Variants in GCM2 observed in about 807,000 individuals in gnomAD.
The protein encoded by GCM2 is GCM transcription factor 2, also known as chorion-specific transcription factor GCMb.
In GCM2, 21 loss-of-function variants were observed where a neutral mutation model predicts 24.8. That is an observed-to-expected ratio of 0.85 (90% CI 0.60 to 1.22). GCM2 has a LOEUF of 1.22. GCM2 is among the 50% of genes most tolerant of loss of function. GCM2 has a pLI of 0.00. For synonymous variants in GCM2, 222 were observed against 238.0 expected, an observed-to-expected ratio of 0.93 and a Z score of 0.62; for missense variants, 532 against 645.6, an observed-to-expected ratio of 0.82 and a Z score of 1.91.
chr6:10,881,700 T>C lies in GCM2; in HGVS notation c.90+4A>G. On this transcript the variant is annotated splice_donor_region_variant and intron_variant, in intron 1 of 4. Coordinates refer to ENST00000379491, the MANE Select transcript of GCM2 (RefSeq NM_004752.4). ...GCGTGCCCGCACACACCCGGTTCAC[T>C]TACCTGAGGCATCTGCGGATCGTTG... 2 of 1,608,082 alleles carry C rather than the reference T, an allele frequency of 1.2e-6. No homozygotes were observed. Among genetic ancestry groups the C allele is most frequent in the African/African-American group, 2.7e-5 (2 of 74,860 alleles).
Position 10,881,884 on chromosome 6 carries a change from T to A in GCM2, c.-91A>T. The A allele has an allele frequency of 9.9e-7, 1 of 1,009,942 alleles. No individual in the cohort carries two copies. Among genetic ancestry groups the A allele is most frequent in the Non-Finnish European group, 1.5e-6 (1 of 659,992 alleles). The allele number at this position is 1,009,942 out of a possible 1,614,324, so 62.6% of individuals were successfully genotyped here. A position where few individuals can be genotyped will look rare whatever the true frequency, so the allele number is the denominator to read the frequency against. On this transcript the variant is annotated 5_prime_UTR_variant, in exon 1 of 5. The change creates a premature stop within an existing upstream ORF in the 5' untranslated region. Coordinates refer to ENST00000379491, the MANE Select transcript of GCM2 (RefSeq NM_004752.4). ...CCAGGTGGGTTTTTTTTCTTCTCTT[T>A]AAAGAAGAAAGTGGGGTGTGTGAAG...
At position 10,873,706 on chromosome 6, in the gene GCM2, A is replaced by G. The variant is rs941625822; in HGVS notation, c.*289T>C. The G allele has an allele frequency of 2.7e-5, 12 of 436,374 alleles. No individual in the cohort carries two copies. Among genetic ancestry groups the G allele is most frequent in the Non-Finnish European group, 4.3e-5 (10 of 234,500 alleles). The allele number at this position is 436,374 out of a possible 1,614,324, so 27.0% of individuals were successfully genotyped here. A position where few individuals can be genotyped will look rare whatever the true frequency, so the allele number is the denominator to read the frequency against. On this transcript the variant is annotated 3_prime_UTR_variant, in exon 5 of 5. Coordinates refer to ENST00000379491, the MANE Select transcript of GCM2 (RefSeq NM_004752.4). ...TCCTGCTAATAAGCTAAGTGAACTTAGGTCAGTATTTAACCTCCTACAGTT... is the reference window on the plus strand; with the variant it reads ...TCCTGCTAATAAGCTAAGTGAACTTGGGTCAGTATTTAACCTCCTACAGTT...
At chr6:10,876,424 T>C (rs780578785) in intron 3 of GCM2, 21 bp downstream of exon 3, 6 of 1,473,464 alleles carry the variant, frequency 4.1e-6, no homozygotes, top group Non-Finnish European at 5.7e-6. Flanking sequence ...CCATCACAAA[T>C]TGTGTTCTCA....
In GCM2 at chr6:10,874,652, A is replaced by G. The variant is rs756135460; in HGVS notation, c.864T>C (p.Tyr288=). The G allele has an allele frequency of 6.2e-6, 10 of 1,614,056 alleles. No homozygotes were observed. Among genetic ancestry groups the G allele is most frequent in the Non-Finnish European group, 8.5e-6 (10 of 1,180,032 alleles). The change falls in exon 5 of 5, where the codon TAT becomes TAC. Residue 288 remains tyrosine, a synonymous_variant. Coordinates refer to ENST00000379491, the MANE Select transcript of GCM2 (RefSeq NM_004752.4). ...ANPGYTNSSP[Y]PTLYKDSTSI... ...TGGTGGAATCCTTATAAAGGGTGGGATATGGGCTTGAATTTGTATAACCAG... is the reference window on the plus strand; with the variant it reads ...TGGTGGAATCCTTATAAAGGGTGGGGTATGGGCTTGAATTTGTATAACCAG...
At chr6:10,879,019 A>C (rs528584008) in intron 1 of GCM2, among the ~76,000 whole-genome samples, 1 of 152,344 alleles carries the variant, frequency 6.6e-6, no homozygotes, top group East Asian at 1.9e-4. Context: ...ATACATCATT[A>C]ATACTGCACA....
chr6:10,875,481 T>C (rs1176579256), intron 4 of GCM2, among the ~76,000 whole-genome samples: 1 of 152,234 alleles, frequency 6.6e-6, no homozygotes, highest in Non-Finnish European at 1.5e-5. Flanking sequence ...CGTGCTTTGG[T>C]TGAAAAGCCA....
At chr6:10,880,286 C>CAACA (rs34765652) in intron 1 of GCM2, among the ~76,000 whole-genome samples, 44,478 of 151,244 alleles carry the variant, frequency 0.29, 7,842 homozygotes, top group African/African-American at 0.5. Context: ...CAAAAAACCC[C>CAACA]AACAAACAAA....
rs1419323446 is a variant in GCM2, at chr6:10,874,011, T to A, written c.1505A>T (p.Asn502Ile). 13 of 1,613,566 alleles carry A rather than the reference T, an allele frequency of 8.1e-6. No individual in the cohort carries two copies. The African/African-American group carries it at 1.6e-4, about 20-fold the overall frequency. Residue 502 changes from asparagine to isoleucine, a missense_variant, in exon 5 of 5, where the codon AAC becomes ATC. By Grantham distance (149) the Asn-to-Ile change is moderately radical. Coordinates refer to ENST00000379491, the MANE Select transcript of GCM2 (RefSeq NM_004752.4). The stretch of plus-strand genomic sequence containing the variant: ...GATTGTCTTTCAAAAATCCTCATTG[T>A]TGTAGGTAAAGAAGGGACCCACTCT... Reference protein sequence around the residue: ...SDRVGPFFTYNNEDF With the variant: ...SDRVGPFFTYINEDF
At chr6:10,879,057 ATT>A (rs1779921786) in intron 1 of GCM2, among the ~76,000 whole-genome samples, 1 of 152,218 alleles carries the variant, frequency 6.6e-6, no homozygotes, top group Non-Finnish European at 1.5e-5. Flanking sequence ...TTAATGGGTG[ATT>A]TTGTTTCCAA....
chr6:10,874,956 GAC>G (rs1280131195), intron 4 of GCM2, 23 bp from the exon 5 acceptor site: 1 of 1,510,692 alleles, frequency 6.6e-7, no homozygotes, highest in African/African-American at 1.4e-5. Context: ...TACAAACATA[GAC>G]ACACGCTATG....
At position 10,874,681 on chromosome 6, in the gene GCM2, T is replaced by G. The variant is rs1779852213; in HGVS notation, c.835A>C (p.Asn279His). The G allele has an allele frequency of 6.2e-7, 1 of 1,614,052 alleles. No homozygotes were observed. Among genetic ancestry groups the G allele is most frequent in the African/African-American group, 1.3e-5 (1 of 74,924 alleles). Residue 279 changes from asparagine to histidine, a missense_variant, in exon 5 of 5, where the codon AAC (asparagine) becomes CAC (histidine). By Grantham distance (68) the Asn-to-His change is moderately conservative. Coordinates refer to ENST00000379491, the MANE Select transcript of GCM2 (RefSeq NM_004752.4). ...PRPPCSYELA[N>H]PGYTNSSPYP... is the part of the protein sequence containing the mutation. ...GGGCTTGAATTTGTATAACCAGGGT[T>G]TGCCAATTCATAGCTGCAAGGTGGC...
intron 1 of GCM2, among the ~76,000 whole-genome samples, chr6:10,878,760 A>C (rs1203053912): frequency 6.6e-6 from 1 of 152,236 alleles, no homozygotes; most frequent in Admixed American, 6.5e-5. Context: ...CAAGATGGAC[A>C]TCTTTACTCT....
rs765896930 is a variant in GCM2, at chr6:10,874,435, TATA to T, written c.1078_1080del (p.Tyr360del). The T allele has an allele frequency of 1.2e-6, 2 of 1,614,186 alleles. No individual in the cohort carries two copies. Among genetic ancestry groups the T allele is most frequent in the South Asian group, 2.2e-5 (2 of 91,080 alleles). On this transcript the variant is annotated inframe_deletion, in exon 5 of 5. Coordinates refer to ENST00000379491, the MANE Select transcript of GCM2 (RefSeq NM_004752.4). ...AGGTACCTGCAGGGAAGCTCTGGGT[TATA>T]ATAAGGGCGAGTGGCCATGGCCTGA... is the stretch of plus-strand genomic sequence containing the variant.
intron 1 of GCM2, among the ~76,000 whole-genome samples, chr6:10,880,448 A>C (rs898796761): frequency 1.3e-5 from 2 of 152,124 alleles, no homozygotes; most frequent in Admixed American, 6.6e-5. Flanking sequence ...AAAATGACCC[A>C]TCTCTTTTAT....
intron 1 of GCM2, among the ~76,000 whole-genome samples, chr6:10,877,970 T>C (rs1779906413): frequency 6.6e-6 from 1 of 152,236 alleles, no homozygotes; most frequent in Non-Finnish European, 1.5e-5. Context: ...GTCAGTCACA[T>C]TAGCAGTGGC....
At chr6:10,881,409 C>T (rs1561673614) in intron 1 of GCM2, among the ~76,000 whole-genome samples, 1 of 152,108 alleles carries the variant, frequency 6.6e-6, no homozygotes, top group Non-Finnish European at 1.5e-5. Context: ...CCACCCGCCT[C>T]AGCCTCCCAA....
rs141025277 is a variant in GCM2, at chr6:10,874,286, G to C, written c.1230C>G (p.Ser410Arg). The change falls in exon 5 of 5, where the codon AGC (serine) becomes AGG (arginine). Residue 410 changes from serine (S) to arginine (R), a missense_variant. Ser to Arg is a moderately radical substitution (Grantham distance 110, BLOSUM62 -1). Coordinates refer to ENST00000379491, the MANE Select transcript of GCM2 (RefSeq NM_004752.4). ...CAGGAGCATAGTTACAGCTCGAAAG[G>C]CTCTTCACCTCTCGCACACTGTCAC... ...KYSDSVREVK[S>R]LSSCNYAPED... 191 of 1,614,074 alleles carry C rather than the reference G, an allele frequency of 1.2e-4. No individual in the cohort carries two copies. The highest frequency in any genetic ancestry group is 1.5e-4 in the Non-Finnish European group (182 of 1,180,038).
At position 10,874,689 on chromosome 6, in the gene GCM2, T is replaced by G. The variant is rs1289014625; in HGVS notation, c.827A>C (p.Glu276Ala). The G allele has an allele frequency of 1.9e-6, 3 of 1,614,048 alleles. No individual in the cohort carries two copies. The East Asian group carries it at 6.7e-5, about 36-fold the overall frequency. Reference sequence around the variant, plus strand: ...ATTTGTATAACCAGGGTTTGCCAATTCATAGCTGCAAGGTGGCCTAGGCAA... The same window carrying G: ...ATTTGTATAACCAGGGTTTGCCAATGCATAGCTGCAAGGTGGCCTAGGCAA... The part of the protein sequence containing the change: ...IYLPRPPCSY[E>A]LANPGYTNSS... The change falls in exon 5 of 5, where the codon GAA becomes GCA. Residue 276 changes from glutamate to alanine, a missense_variant. Physicochemically the swap from Glu to Ala is moderately radical, Grantham distance 107 (BLOSUM62 -1). This residue lies in a region of GCM2 where 434 missense variants were observed against 521.9 expected (regional missense o/e 0.83). Transcript: ENST00000379491.
intron 1 of GCM2, among the ~76,000 whole-genome samples, chr6:10,879,226 A>G (rs1481277114): frequency 6.6e-6 from 1 of 152,202 alleles, no homozygotes; most frequent in East Asian, 1.9e-4. Flanking sequence ...TTAAATGCTA[A>G]TATCTTTGTT....
Sources: allele counts gnomAD v4.1 joint callset (sites outside exome capture counted in the v4.1 genomes callset), GRCh38; gene constraint gnomAD v4.1.1; regional missense constraint gnomAD v4.1.1; transcripts MANE v1.5; gene names NCBI Gene and HGNC (gene_info 2026-07-23, HGNC 2026-07-21).